ZWILCH: variants seen among roughly 807,000 people sequenced by gnomAD.
ZWILCH encodes the protein protein zwilch homolog.
A neutral mutation model predicts 79.9 loss-of-function variants in ZWILCH; 74 were observed. The observed-to-expected ratio is 0.93, with a 90% confidence interval of 0.77 to 1.12. The LOEUF is 1.12. ZWILCH is among the 50% of genes most tolerant of loss of function. The pLI is 0.00. For synonymous variants in ZWILCH, 241 were observed against 228.2 expected (o/e 1.06, Z -0.51); for missense variants, 694 against 687.5 (o/e 1.01, Z -0.11).
rs769995701 is a variant in ZWILCH, at chr15:66,529,559, G to C, written c.1141G>C (p.Asp381His). Reference protein sequence around the residue: ...TLIIQSLQRGDIQPWLHSGSN... With the variant: ...TLIIQSLQRGHIQPWLHSGSN... ...GATCATCCAGAGTCTACAACGTGGT[G>C]ATATACAGCCATGGGTAGGTTTAGT... is the stretch of plus-strand genomic sequence containing the variant. Residue 381 changes from aspartate to histidine, a missense_variant, in exon 12 of 19, where the codon GAT becomes CAT. Asp to His is a moderately conservative substitution (Grantham distance 81). Coordinates refer to ENST00000307897, the MANE Select transcript of ZWILCH (RefSeq NM_017975.5). 6.2e-7 allele frequency: 1 copy of C among 1,613,640 alleles called. No homozygotes were observed. Among genetic ancestry groups the C allele is most frequent in the South Asian group, 1.1e-5 (1 of 91,050 alleles).
intron 4 of ZWILCH, 129 bp from the exon 5 acceptor site, chr15:66,518,750 G>C: frequency 4.9e-6 from 4 of 817,886 alleles, no homozygotes; most frequent in Non-Finnish European, 7.9e-6. Context: ...GGCCAAGGCT[G>C]TAGTGAGCTA....
In ZWILCH at chr15:66,529,494, G is replaced by A. The variant is rs750702366; in HGVS notation, c.1076G>A (p.Ser359Asn). 13 of 1,611,992 alleles carry A rather than the reference G, an allele frequency of 8.1e-6. No homozygotes were observed. In the African/African-American group the frequency reaches 1.6e-4, roughly 20 times the overall value. The change falls in exon 12 of 19, where the codon AGT becomes AAT. Residue 359 changes from serine (S) to asparagine (N), a missense_variant and splice_region_variant. Physicochemically the swap from Ser to Asn is conservative, Grantham distance 46 (BLOSUM62 1). Transcript: ENST00000307897. ...ATGTTACACTGACTTGTTTTCCAAGGTGTGATTTCATACCAAGACTTGGTG... is the reference window on the plus strand; with the variant it reads ...ATGTTACACTGACTTGTTTTCCAAGATGTGATTTCATACCAAGACTTGGTG... The part of the protein sequence containing the change: ...AEQLWCKMSS[S>N]VISYQDLVKC...
chr15:66,517,717 T>C (rs920866705), intron 4 of ZWILCH, among the ~76,000 whole-genome samples: 2 of 135,618 alleles, frequency 1.5e-5, no homozygotes, highest in Non-Finnish European at 1.5e-5. Context: ...TACTTCTTTC[T>C]TTTCTTTCCT....
At chr15:66,523,522 T>C in intron 7 of ZWILCH, 155 bp from the exon 8 acceptor site, 1 of 577,346 alleles carries the variant, frequency 1.7e-6, no homozygotes, top group Non-Finnish European at 3.1e-6. Flanking sequence ...AGTAAGATGT[T>C]CTAAATGATG....
At chr15:66,515,015 C>T (rs1477210499) in intron 3 of ZWILCH, among the ~76,000 whole-genome samples, 5 of 152,128 alleles carry the variant, frequency 3.3e-5, no homozygotes, top group Admixed American at 3.3e-4. Context: ...TGTCATGGCT[C>T]ACTGCAGCCT....
intron 4 of ZWILCH, among the ~76,000 whole-genome samples, chr15:66,517,455 T>TATATATATATATATAGAGAGAGAG (rs1180456312): frequency 1.7e-5 from 2 of 115,208 alleles, no homozygotes; most frequent in Non-Finnish European, 3.8e-5. Context: ...TATATATATA[T>TATATATATATATATAGAGAGAGAG]AGTAATGTAC....
At chr15:66,519,176 G>A in intron 5 of ZWILCH, 98 bp downstream of exon 5, 1 of 1,193,276 alleles carries the variant, frequency 8.4e-7, no homozygotes, top group East Asian at 2.4e-5. Flanking sequence ...TATGATGAAA[G>A]TGCACAAGGT....
intron 5 of ZWILCH, among the ~76,000 whole-genome samples, chr15:66,519,612 C>A (rs995671304): frequency 9.9e-5 from 15 of 152,134 alleles, no homozygotes; most frequent in South Asian, 4.1e-4. Flanking sequence ...TGCCACCACG[C>A]CCGGCTAATT....
In ZWILCH at chr15:66,515,538, G is replaced by A. The variant is rs753323083; in HGVS notation, c.214G>A (p.Glu72Lys). 3.7e-6 allele frequency: 6 copies of A among 1,604,074 alleles called. No individual in the cohort carries two copies. The South Asian group carries it at 5.6e-5, about 15-fold the overall frequency. ...FIVEKVPLEK[E>K]ETSHIEELQS... The stretch of plus-strand genomic sequence containing the variant: ...AACATTTTTAAAGCCTTTAGAAAAG[G>A]AAGAAACAAGTCATATTGAAGAACT... The change falls in exon 4 of 19, where the codon GAA (glutamate) becomes AAA (lysine). Residue 72 changes from glutamate (E) to lysine (K), a missense_variant. Transcript: ENST00000307897.
At chr15:66,511,567 A>C (rs1424779244) in intron 2 of ZWILCH, among the ~76,000 whole-genome samples, 1 of 151,972 alleles carries the variant, frequency 6.6e-6, no homozygotes, top group African/African-American at 2.4e-5. Context: ...AAACAGTAAG[A>C]TCTTATGTTT....
chr15:66,508,933 A>G, intron 2 of ZWILCH, 41 bp downstream of exon 2: 1 of 1,603,270 alleles, frequency 6.2e-7, no homozygotes, highest in Non-Finnish European at 8.5e-7. Context: ...CTAATCCTAA[A>G]ATTGTCTGTT....
intron 8 of ZWILCH, among the ~76,000 whole-genome samples, chr15:66,525,756 CTTTTTTTTTT>C (rs66835007): frequency 2.4e-4 from 22 of 93,470 alleles, no homozygotes; most frequent in South Asian, 1.6e-3. Context: ...TCACATTTTT[CTTTTTTTTTT>C]TTTTTTTTTT....
At chr15:66,522,087 A>G (rs2140768410) in intron 7 of ZWILCH, among the ~76,000 whole-genome samples, 1 of 151,706 alleles carries the variant, frequency 6.6e-6, no homozygotes, top group East Asian at 2.0e-4. Context: ...AGTCCCAACT[A>G]CTCGGGAGGC....
chr15:66,513,413 ATAAT>A lies in ZWILCH; in HGVS notation c.106-572_106-569del, dbSNP rs1894141037. Among the ~76,000 whole-genome samples the A allele has an allele frequency of 1.3e-4, 19 of 151,988 alleles. No homozygotes were observed. In the South Asian group the frequency reaches 4.0e-3, roughly 32 times the overall value. On this transcript the variant is annotated intron_variant, in intron 2 of 18. Transcript: ENST00000307897. ...AGACCCCATCTGTATGAAAAATAAA[ATAAT>A]TAGCCAGGTGCGGTGGCACACACCT...
At chr15:66,519,985 T>A (rs1438063840) in intron 5 of ZWILCH, among the ~76,000 whole-genome samples, 1 of 152,042 alleles carries the variant, frequency 6.6e-6, no homozygotes, top group Non-Finnish European at 1.5e-5. Flanking sequence ...ATTTTTAATT[T>A]GTTTTTAAGA....
At chr15:66,508,938 T>C in intron 2 of ZWILCH, 46 bp downstream of exon 2, 1 of 1,599,594 alleles carries the variant, frequency 6.3e-7, no homozygotes, top group Admixed American at 1.7e-5. Context: ...CCTAAAATTG[T>C]CTGTTTTTAT....
Position 66,513,990 on chromosome 15 carries a change from T to A in ZWILCH, c.108T>A (p.Ala36=), listed in dbSNP as rs1036032532. ...GIRKDPFLYE[A]DVQVQLISKG... is the part of the protein sequence containing the mutation. Reference sequence around the variant, plus strand: ...TTGCTCGATACCTGTTTTAACAGGCTGATGTCCAAGTGCAGTTGATCAGCA... The same window carrying A: ...TTGCTCGATACCTGTTTTAACAGGCAGATGTCCAAGTGCAGTTGATCAGCA... The change falls in exon 3 of 19, where the codon GCT becomes GCA. Residue 36 remains alanine (A), a splice_region_variant and synonymous_variant. Transcript: ENST00000307897. 3 of 1,608,908 alleles carry A rather than the reference T, an allele frequency of 1.9e-6. No individual in the cohort carries two copies. Among genetic ancestry groups the A allele is most frequent in the Non-Finnish European group, 2.5e-6 (3 of 1,177,956 alleles).
At position 66,519,739 on chromosome 15, in the gene ZWILCH, C is replaced by T. The variant is rs574386244; in HGVS notation, c.520+661C>T. Among the ~76,000 whole-genome samples, 272 of 152,334 alleles carry T rather than the reference C, an allele frequency of 1.8e-3. 1 individual carries two copies. The highest frequency in any genetic ancestry group is 6.1e-3 in the African/African-American group (255 of 41,570). Reference sequence around the variant, plus strand: ...GATCTCAAGATCCACCCCCCTCGGCCTCCCGAAGTGCTGGGATTACAGGCA... The same window carrying T: ...GATCTCAAGATCCACCCCCCTCGGCTTCCCGAAGTGCTGGGATTACAGGCA... On this transcript the variant is annotated intron_variant, in intron 5 of 18. Coordinates refer to ENST00000307897, the MANE Select transcript of ZWILCH (RefSeq NM_017975.5).
chr15:66,510,326 G>T (rs1228566605), intron 2 of ZWILCH, among the ~76,000 whole-genome samples: 1 of 151,308 alleles, frequency 6.6e-6, no homozygotes, highest in African/African-American at 2.4e-5. Flanking sequence ...GGCAGAGGTT[G>T]CAGTGAGCAG....
Sources: gnomAD v4.1 joint callset for allele counts (sites outside exome capture counted in the v4.1 genomes callset) on GRCh38, gnomAD v4.1.1 for gene constraint, MANE v1.5 for transcripts, NCBI Gene and HGNC (gene_info 2026-07-23, HGNC 2026-07-21) for gene names.